Variants in LNX1 observed in about 807,000 individuals in gnomAD.
LNX1 encodes the protein ligand of numb-protein X 1.
LNX1 carries 54 observed loss-of-function variants against 68.4 expected under a neutral mutation model. That is an observed-to-expected ratio of 0.79 (90% CI 0.63 to 0.99). LNX1 has a LOEUF of 0.99. Ranked by LOEUF, LNX1 falls within the 50% of genes least tolerant of loss-of-function variation. The probability of loss-of-function intolerance (pLI) is 0.00; values close to 1 mark genes in which losing one functional copy is unlikely to be tolerated. For synonymous variants in LNX1, 336 were observed against 350.0 expected, an observed-to-expected ratio of 0.96 and a Z score of 0.45; for missense variants, 906 against 926.4, an observed-to-expected ratio of 0.98 and a Z score of 0.29.
chr4:53,556,529 T>A lies in LNX1; in HGVS notation c.380+17094A>T, dbSNP rs556624082. ...ATATCATGGCACTGGATTTCAAAGA[T>A]CCCAACCTCAGCATCCATTGAGAGA... On this transcript the variant is annotated intron_variant, in intron 2 of 10. Coordinates refer to ENST00000263925, the MANE Select transcript of LNX1 (RefSeq NM_001126328.3). 2.0e-5 allele frequency among the ~76,000 whole-genome samples: 3 copies of A among 152,102 alleles called. No individual in the cohort carries two copies. The South Asian group carries it at 6.2e-4, about 32-fold the overall frequency.
intron 4 of LNX1, among the ~76,000 whole-genome samples, chr4:53,505,351 A>G (rs1725801331): frequency 6.6e-6 from 1 of 152,020 alleles, no homozygotes; most frequent in Non-Finnish European, 1.5e-5. Context: ...CCCAGGTTCA[A>G]GCAATTCTCC....
chr4:53,552,801 C>T, intron 2 of LNX1, among the ~76,000 whole-genome samples: 1 of 147,918 alleles, frequency 6.8e-6, no homozygotes, highest in East Asian at 2.0e-4. Context: ...TGTATTCCAG[C>T]CTGGGCAACA....
intron 1 of LNX1, among the ~76,000 whole-genome samples, chr4:53,580,301 G>A (rs1421323594): frequency 6.6e-6 from 1 of 152,142 alleles, no homozygotes; most frequent in Non-Finnish European, 1.5e-5. Flanking sequence ...CAGATCCCAT[G>A]TTCTCCCCCA....
chr4:53,520,859 G>C (rs767887289), intron 2 of LNX1, among the ~76,000 whole-genome samples: 1 of 152,168 alleles, frequency 6.6e-6, no homozygotes, highest in Non-Finnish European at 1.5e-5. Context: ...CTACTTGGGA[G>C]GCTGAGGCAG....
intron 1 of LNX1, among the ~76,000 whole-genome samples, chr4:53,576,839 A>C (rs1463878844): frequency 6.6e-6 from 1 of 152,174 alleles, no homozygotes; most frequent in Non-Finnish European, 1.5e-5. Context: ...ATAAAGTCGG[A>C]GGTTGTTTGT....
At chr4:53,469,849 A>T (rs1391654115) in intron 9 of LNX1, among the ~76,000 whole-genome samples, 1 of 152,232 alleles carries the variant, frequency 6.6e-6, no homozygotes, top group Non-Finnish European at 1.5e-5. Context: ...GCAATAATTA[A>T]TAGCTTACTA....
chr4:53,639,130 A>G (rs1734583538), intron 1 of LNX1, among the ~76,000 whole-genome samples: 2 of 152,226 alleles, frequency 1.3e-5, no homozygotes, highest in African/African-American at 2.4e-5. Flanking sequence ...GTACATATAC[A>G]CCATGAAGTA....
At chr4:53,554,464 T>A (rs775116057) in intron 2 of LNX1, among the ~76,000 whole-genome samples, 18 of 152,262 alleles carry the variant, frequency 1.2e-4, no homozygotes, top group Non-Finnish European at 2.6e-4. Flanking sequence ...TGTTTTAAAT[T>A]GAATTTGAAT....
At chr4:53,534,414 G>A (rs1324576724) in intron 2 of LNX1, among the ~76,000 whole-genome samples, 1 of 50,342 alleles carries the variant, frequency 2.0e-5, no homozygotes, top group Non-Finnish European at 5.3e-5. Flanking sequence ...TGAGGCAGGA[G>A]GGTCTCGAGC....
At chr4:53,472,685 C>CAAAAAAAAAAA (rs1309297098) in intron 9 of LNX1, among the ~76,000 whole-genome samples, 11 of 74,766 alleles carry the variant, frequency 1.5e-4, no homozygotes, top group East Asian at 3.6e-4. Context: ...ACAACAACAA[C>CAAAAAAAAAAA]AAAAAAAAAA....
intron 9 of LNX1, among the ~76,000 whole-genome samples, chr4:53,463,732 G>GAGTT (rs1429426983): frequency 3.3e-5 from 5 of 152,202 alleles, no homozygotes; most frequent in African/African-American, 9.6e-5. Context: ...TTAATGAAAT[G>GAGTT]AGTTAATGAG....
intron 9 of LNX1, among the ~76,000 whole-genome samples, chr4:53,463,092 A>ATTC (rs1722307044): frequency 6.6e-6 from 1 of 152,140 alleles, no homozygotes; most frequent in Non-Finnish European, 1.5e-5. Context: ...GCCCAGTTTG[A>ATTC]TTCTTTAAAA....
chr4:53,526,513 T>A (rs961905855), intron 2 of LNX1, among the ~76,000 whole-genome samples: 4 of 151,912 alleles, frequency 2.6e-5, no homozygotes, highest in African/African-American at 9.7e-5. Context: ...AAAGATAAAG[T>A]AAGAACTAAG....
Position 53,508,125 on chromosome 4 carries a change from G to A in LNX1, c.483C>T (p.Ser161=), listed in dbSNP as rs1560634947. ...TGGTGGCAGCTGCAGAAACCTCTGG[G>A]GAGGGAGCCGTGGCTGTGAGGCTCG... is the stretch of plus-strand genomic sequence containing the variant. ...GCASLTATAP[S]PEVSAAATIS... is the part of the protein sequence containing the mutation. Residue 161 remains serine (S), a synonymous_variant, in exon 3 of 11, where the codon TCC becomes TCT. Coordinates refer to ENST00000263925, the MANE Select transcript of LNX1 (RefSeq NM_001126328.3). 6.2e-7 allele frequency: 1 copy of A among 1,614,154 alleles called. No homozygotes were observed. The highest frequency in any genetic ancestry group is 1.7e-5 in the Admixed American group (1 of 60,014).
At chr4:53,462,241 G>C (rs1722208280) in intron 9 of LNX1, among the ~76,000 whole-genome samples, 2 of 152,094 alleles carry the variant, frequency 1.3e-5, no homozygotes, top group South Asian at 4.1e-4. Flanking sequence ...ATGGGAGAAG[G>C]AAAGGCCCAG....
Position 53,615,508 on chromosome 4 carries a change from C to G in LNX1, c.-215+1009G>C, listed in dbSNP as rs1577797672. On this transcript the variant is annotated intron_variant, in intron 2 of 3. Coordinates refer to the LNX1 transcript ENST00000504299. ...AGGCTTAAGGAAGAAGACTGAGGCT[C>G]TAGCCAATCGCCAGAGCCAACTCCC... 4.6e-5 allele frequency among the ~76,000 whole-genome samples: 7 copies of G among 152,196 alleles called. No homozygotes were observed. In the South Asian group the frequency reaches 1.5e-3, roughly 32 times the overall value.
chr4:53,649,891 A>T (rs143180000), intron 1 of LNX1, among the ~76,000 whole-genome samples: 92 of 152,326 alleles, frequency 6.0e-4, no homozygotes, highest in African/African-American at 2.0e-3. Flanking sequence ...CACCCTAGCC[A>T]AGCACCTGGA....
intron 9 of LNX1, among the ~76,000 whole-genome samples, chr4:53,464,698 TAACTA>T (rs1448873482): frequency 6.6e-6 from 1 of 152,138 alleles, no homozygotes; most frequent in Non-Finnish European, 1.5e-5. Flanking sequence ...GGATAAGGGA[TAACTA>T]AACCATTTTC....
At chr4:53,528,875 C>T (rs1727817584) in intron 2 of LNX1, among the ~76,000 whole-genome samples, 1 of 152,074 alleles carries the variant, frequency 6.6e-6, no homozygotes, top group Non-Finnish European at 1.5e-5. Flanking sequence ...CTGGGATGGA[C>T]ATGTGACTCA....
Sources: gnomAD v4.1 joint callset for allele counts (sites outside exome capture counted in the v4.1 genomes callset) on GRCh38, gnomAD v4.1.1 for gene constraint, MANE v1.5 for transcripts, NCBI Gene and HGNC (gene_info 2026-07-23, HGNC 2026-07-21) for gene names.